Variants in CCDC112 observed in about 807,000 individuals in gnomAD.
The protein encoded by CCDC112 is coiled-coil domain-containing protein 112.
Under a neutral mutation model 66.3 loss-of-function variants are expected in CCDC112, and 40 were observed. The observed-to-expected ratio is 0.60, with a 90% confidence interval of 0.47 to 0.79. The LOEUF is 0.79. Among genes scored for constraint, CCDC112 ranks in the 30% least tolerant of loss-of-function variants. The pLI is 0.00. For synonymous variants in CCDC112, 214 were observed against 197.2 expected (o/e 1.09, Z -0.71); for missense variants, 659 against 603.8 (o/e 1.09, Z -0.96).
At chr5:115,274,711 G>T (rs1029024062) in intron 6 of CCDC112, among the ~76,000 whole-genome samples, 1 of 152,148 alleles carries the variant, frequency 6.6e-6, no homozygotes, top group Non-Finnish European at 1.5e-5. Flanking sequence ...TCCAAATGTT[G>T]TTCTATTAAT....
chr5:115,290,734 G>C (rs957087553), intron 1 of CCDC112, among the ~76,000 whole-genome samples: 1 of 151,916 alleles, frequency 6.6e-6, no homozygotes, highest in African/African-American at 2.4e-5. Context: ...TTTAATCTTT[G>C]TGATACTATT....
At chr5:115,294,464 C>T (rs1218693575) in intron 1 of CCDC112, among the ~76,000 whole-genome samples, 1 of 152,198 alleles carries the variant, frequency 6.6e-6, no homozygotes, top group Non-Finnish European at 1.5e-5. Flanking sequence ...GGAAAAGAGG[C>T]CTCACCAGAA....
intron 2 of CCDC112, among the ~76,000 whole-genome samples, chr5:115,284,295 T>C (rs1028681285): frequency 1.3e-5 from 2 of 152,142 alleles, no homozygotes; most frequent in African/African-American, 4.8e-5. Flanking sequence ...ATGTAACCTA[T>C]GGAAAGATGT....
intron 3 of CCDC112, 56 bp downstream of exon 3, chr5:115,279,591 A>G: frequency 1.3e-6 from 2 of 1,581,856 alleles, no homozygotes; most frequent in Non-Finnish European, 1.7e-6. Context: ...AGCACAGGGT[A>G]AAACTACAAC....
rs1367294831 is a variant in CCDC112, at chr5:115,273,658, T to C, written c.918+1558A>G. 3.3e-5 allele frequency among the ~76,000 whole-genome samples: 5 copies of C among 152,344 alleles called. No individual in the cohort carries two copies. In the South Asian group the frequency reaches 1.0e-3, roughly 32 times the overall value. The stretch of plus-strand genomic sequence containing the variant: ...TTATCACAAGAAGCAGTGTGTCTGT[T>C]TCTTTTTCCTAAAGAGGTGGTTTTC... On this transcript the variant is annotated intron_variant, in intron 6 of 9. Transcript: ENST00000379611.
In CCDC112 at chr5:115,290,216, T is replaced by C. The variant is rs576316676; in HGVS notation, c.118-5308A>G. ...GCTTCTGTAGGTGGTTATTCAATTG[T>C]CCAAACTTTTGTTGAAAAGACTATT... On this transcript the variant is annotated intron_variant, in intron 1 of 9. Transcript: ENST00000379611. 3.9e-5 allele frequency among the ~76,000 whole-genome samples: 6 copies of C among 152,348 alleles called. 1 individual carries two copies. The highest frequency in any genetic ancestry group is 6.8e-3 in the Middle Eastern group (2 of 294).
In CCDC112 at chr5:115,275,356, T is replaced by C; in HGVS notation, c.778A>G (p.Lys260Glu). ...WDDYDHQNFV[K>E]VRNKHKGKPT... ...TTCCCTTTATGTTTGTTTCTCACCT[T>C]TACAAAGTTCTGGTGATCATAATCA... The change falls in exon 6 of 10, where the codon AAG (lysine) becomes GAG (glutamate). Residue 260 changes from lysine (K) to glutamate (E), a missense_variant. By Grantham distance (56) the Lys-to-Glu change is moderately conservative (BLOSUM62 1). Coordinates refer to ENST00000379611, the MANE Select transcript of CCDC112 (RefSeq NM_001040440.3). 1 of 1,614,132 alleles carries C rather than the reference T, an allele frequency of 6.2e-7. No homozygotes were observed. Among genetic ancestry groups the C allele is most frequent in the Non-Finnish European group, 8.5e-7 (1 of 1,179,996 alleles).
At chr5:115,286,907 C>A (rs1749698245) in intron 1 of CCDC112, among the ~76,000 whole-genome samples, 2 of 152,106 alleles carry the variant, frequency 1.3e-5, no homozygotes, top group South Asian at 4.1e-4. Context: ...CAGAGCAACA[C>A]ACTGTCTCAA....
At chr5:115,279,858 T>C (rs1466877450) in intron 2 of CCDC112, 90 bp from the exon 3 acceptor site, 4 of 725,000 alleles carry the variant, frequency 5.5e-6, no homozygotes, top group African/African-American at 5.4e-5. Flanking sequence ...CCGTATTTTA[T>C]ATTTGGATTA....
chr5:115,275,326 T>G lies in CCDC112; in HGVS notation c.808A>C (p.Thr270Pro), dbSNP rs780659418. 1.9e-6 allele frequency: 3 copies of G among 1,614,106 alleles called. No individual in the cohort carries two copies. The highest frequency in any genetic ancestry group is 1.7e-5 in the Admixed American group (1 of 60,012). ...KVRNKHKGKP[T>P]FMEEVLEHLP... ...TGTTCTAGAACTTCTTCCATAAATG[T>G]TGGCTTCCCTTTATGTTTGTTTCTC... The change falls in exon 6 of 10, where the codon ACA becomes CCA. Residue 270 changes from threonine (T) to proline (P), a missense_variant. By Grantham distance (38) the Thr-to-Pro change is conservative. Coordinates refer to ENST00000379611, the MANE Select transcript of CCDC112 (RefSeq NM_001040440.3).
At chr5:115,278,914 T>C (rs1046446113) in intron 3 of CCDC112, among the ~76,000 whole-genome samples, 1 of 152,018 alleles carries the variant, frequency 6.6e-6, no homozygotes, top group African/African-American at 2.4e-5. Flanking sequence ...TTGATAACCA[T>C]TATTTTTCCT....
At chr5:115,269,501 T>C in intron 8 of CCDC112, 1 of 516,490 alleles carries the variant, frequency 1.9e-6, no homozygotes, top group Non-Finnish European at 3.4e-6. Flanking sequence ...AAAACGGTGC[T>C]CATAAGGTAA....
At position 115,280,918 on chromosome 5, in the gene CCDC112, A is replaced by G. The variant is rs373524974; in HGVS notation, c.240-1150T>C. ...TATTTCTCCACTAATCTTGGATTTA[A>G]TAAGTGGTGGAGCATCACTGGCCAT... On this transcript the variant is annotated intron_variant, in intron 2 of 9. Coordinates refer to ENST00000379611, the MANE Select transcript of CCDC112 (RefSeq NM_001040440.3). 5.9e-5 allele frequency among the ~76,000 whole-genome samples: 9 copies of G among 152,294 alleles called. No homozygotes were observed. The East Asian group carries it at 1.4e-3, about 23-fold the overall frequency.
At chr5:115,275,688 T>C (rs1561494934) in intron 5 of CCDC112, 82 bp from the exon 6 acceptor site, 2 of 972,116 alleles carry the variant, frequency 2.1e-6, no homozygotes, top group Non-Finnish European at 3.0e-6. Context: ...GATACCTGAC[T>C]CTTTATATCA....
chr5:115,283,057 C>T (rs955529396), intron 2 of CCDC112, among the ~76,000 whole-genome samples: 3 of 152,146 alleles, frequency 2.0e-5, no homozygotes, highest in Non-Finnish European at 4.4e-5. Flanking sequence ...AAACATAAAA[C>T]AGAACCTCTA....
At chr5:115,268,005 T>A (rs540654421) in intron 9 of CCDC112, 87 bp from the exon 10 acceptor site, 44 of 1,007,352 alleles carry the variant, frequency 4.4e-5, no homozygotes, top group Middle Eastern at 2.7e-4. Context: ...AACTTTAAAA[T>A]ATATATATAA....
In CCDC112 at chr5:115,282,987, A is replaced by T. The variant is rs1455240833; in HGVS notation, c.239+1800T>A. On this transcript the variant is annotated intron_variant, in intron 2 of 9. Transcript: ENST00000379611. ...AGAAGCCTTCTCAGAACTGTAAAAC[A>T]CACTGGTTGCTGCATCTATGGATAT... Among the ~76,000 whole-genome samples the T allele has an allele frequency of 7.9e-5, 12 of 152,238 alleles. 1 individual carries two copies. Among genetic ancestry groups the T allele is most frequent in the Admixed American group, 2.0e-4 (3 of 15,294 alleles).
intron 1 of CCDC112, chr5:115,295,883 G>A: frequency 5.1e-6 from 5 of 985,466 alleles, no homozygotes; most frequent in Non-Finnish European, 6.0e-6. Context: ...AAGTCTCGCT[G>A]AGCTGATAAC....
Position 115,271,442 on chromosome 5 carries a change from T to G in CCDC112, c.1103A>C (p.Glu368Ala). The change falls in exon 7 of 10, where the codon GAA (glutamate) becomes GCA (alanine). Residue 368 changes from glutamate to alanine, a missense_variant. Transcript: ENST00000379611. ...VEAWKKQKSI[E>A]MSMKCASQLK... ...CTGGGAAGCACATTTCATTGACATTTCTATACTTTTCTGTTTCTTCCAAGC... is the reference window on the plus strand; with the variant it reads ...CTGGGAAGCACATTTCATTGACATTGCTATACTTTTCTGTTTCTTCCAAGC... The G allele has an allele frequency of 6.2e-7, 1 of 1,611,516 alleles. No individual in the cohort carries two copies. Among genetic ancestry groups the G allele is most frequent in the South Asian group, 1.1e-5 (1 of 90,096 alleles).
Sources: allele counts gnomAD v4.1 joint callset (sites outside exome capture counted in the v4.1 genomes callset), GRCh38; gene constraint gnomAD v4.1.1; transcripts MANE v1.5; gene names NCBI Gene and HGNC (gene_info 2026-07-23, HGNC 2026-07-21).